The following CDC25C variants were observed in gnomAD, a reference collection of about 807,000 sequenced individuals.
The protein encoded by CDC25C is cell division cycle 25C.
In CDC25C, 48 loss-of-function variants were observed where a neutral mutation model predicts 52.5. The observed-to-expected ratio is 0.91, with a 90% CI of 0.72 to 1.16. CDC25C has a LOEUF of 1.16. Among genes scored for constraint, CDC25C ranks in the 50% most tolerant of loss-of-function variants. The pLI is 0.00. For missense variants in CDC25C, 510 were observed against 566.1 expected (o/e 0.90, Z 1.01); for synonymous variants, 187 against 206.5 (o/e 0.91, Z 0.81).
intron 7 of CDC25C, among the ~76,000 whole-genome samples, chr5:138,314,300 CT>C (rs570387449): frequency 2.2e-3 from 308 of 137,980 alleles, no homozygotes; most frequent in African/African-American, 2.6e-3. Context: ...TTCATAGCAC[CT>C]TTTTTTTTTT....
intron 4 of CDC25C, among the ~76,000 whole-genome samples, chr5:138,327,973 TCTC>T (rs894188773): frequency 2.6e-5 from 4 of 152,054 alleles, no homozygotes; most frequent in African/African-American, 9.7e-5. Flanking sequence ...CTCAAGTAAT[TCTC>T]CTACCTCAAC....
chr5:138,318,117 T>A (rs1298770816), intron 7 of CDC25C, among the ~76,000 whole-genome samples: 1 of 151,974 alleles, frequency 6.6e-6, no homozygotes, highest in Non-Finnish European at 1.5e-5. Context: ...TCACTTGAGG[T>A]CAGGAGTTCG....
intron 7 of CDC25C, among the ~76,000 whole-genome samples, chr5:138,301,259 G>A (rs1372750653): frequency 6.6e-6 from 1 of 152,162 alleles, no homozygotes. Context: ...TATCAGGAAT[G>A]AGAGACATCA....
intron 7 of CDC25C, among the ~76,000 whole-genome samples, chr5:138,309,216 C>G (rs982816864): frequency 7.2e-6 from 1 of 138,382 alleles, no homozygotes; most frequent in Non-Finnish European, 1.6e-5. Flanking sequence ...TCTCAACAAA[C>G]TGGTATTAAA....
intron 7 of CDC25C, among the ~76,000 whole-genome samples, chr5:138,309,236 A>C (rs1330431799): frequency 3.3e-5 from 5 of 151,964 alleles, no homozygotes; most frequent in Admixed American, 2.0e-4. Flanking sequence ...AAAAAAAAAA[A>C]AAACATAAAA....
chr5:138,326,435 G>T (rs1332923032), intron 4 of CDC25C, among the ~76,000 whole-genome samples: 1 of 151,646 alleles, frequency 6.6e-6, no homozygotes, highest in Non-Finnish European at 1.5e-5. Flanking sequence ...TCTGCCTCCC[G>T]GTTTCACGCC....
At chr5:138,326,728 C>T (rs1407673174) in intron 4 of CDC25C, among the ~76,000 whole-genome samples, 6 of 151,934 alleles carry the variant, frequency 3.9e-5, no homozygotes, top group East Asian at 1.9e-4. Flanking sequence ...TCGAGGCAGG[C>T]GGATCACCTG....
chr5:138,310,750 A>G (rs541786694), intron 7 of CDC25C, among the ~76,000 whole-genome samples: 1 of 152,212 alleles, frequency 6.6e-6, no homozygotes, highest in Non-Finnish European at 1.5e-5. Context: ...CCCAGAGGCT[A>G]CTTCTCAGAC....
At chr5:138,323,480 T>TG (rs1759600069) in intron 6 of CDC25C, among the ~76,000 whole-genome samples, 1 of 151,526 alleles carries the variant, frequency 6.6e-6, no homozygotes, top group Non-Finnish European at 1.5e-5. Context: ...TTTTTTTGGT[T>TG]GGGGGGTGGG....
intron 7 of CDC25C, among the ~76,000 whole-genome samples, chr5:138,317,427 C>T (rs1241934984): frequency 6.6e-6 from 1 of 152,048 alleles, no homozygotes; most frequent in Non-Finnish European, 1.5e-5. Context: ...TGCCTGTAAT[C>T]CCAGCACTTT....
At chr5:138,291,761 T>G (rs1756736454) in intron 8 of CDC25C, among the ~76,000 whole-genome samples, 1 of 148,528 alleles carries the variant, frequency 6.7e-6, no homozygotes, top group Non-Finnish European at 1.5e-5. Flanking sequence ...ATACTTTATG[T>G]ATCTATGTTA....
intron 7 of CDC25C, among the ~76,000 whole-genome samples, chr5:138,304,381 G>C (rs1448006562): frequency 1.4e-5 from 2 of 140,094 alleles, no homozygotes; most frequent in African/African-American, 5.4e-5. Flanking sequence ...GAGGCAGGCA[G>C]ACAAAATATA....
intron 4 of CDC25C, among the ~76,000 whole-genome samples, chr5:138,326,679 C>T (rs1352729392): frequency 1.3e-5 from 2 of 152,082 alleles, no homozygotes; most frequent in South Asian, 2.1e-4. Flanking sequence ...TCTGGCGGGG[C>T]GCTGTGGCCC....
intron 7 of CDC25C, among the ~76,000 whole-genome samples, chr5:138,303,364 CAT>C (rs1397612297): frequency 6.6e-6 from 1 of 152,130 alleles, no homozygotes; most frequent in African/African-American, 2.4e-5. Flanking sequence ...CAGTAGTACA[CAT>C]GAGGAGATGC....
chr5:138,313,780 C>A (rs916511244), intron 7 of CDC25C, among the ~76,000 whole-genome samples: 4 of 152,110 alleles, frequency 2.6e-5, no homozygotes, highest in Non-Finnish European at 5.9e-5. Context: ...ATAGCTTCAA[C>A]TCCTCATTTA....
At chr5:138,298,992 A>T (rs1011229467) in intron 7 of CDC25C, among the ~76,000 whole-genome samples, 3 of 151,106 alleles carry the variant, frequency 2.0e-5, no homozygotes, top group Non-Finnish European at 4.4e-5. Flanking sequence ...TAGGAGTTCC[A>T]GACCAGCCTG....
upstream of CDC25C, among the ~76,000 whole-genome samples, chr5:138,333,093 G>A (rs1389421036): frequency 6.6e-6 from 1 of 152,086 alleles, no homozygotes; most frequent in African/African-American, 2.4e-5. Flanking sequence ...CCCAGCTGAT[G>A]GTGAGGTAGC....
intron 4 of CDC25C, among the ~76,000 whole-genome samples, chr5:138,327,621 A>G (rs1012869463): frequency 2.0e-5 from 3 of 152,202 alleles, no homozygotes; most frequent in Admixed American, 6.5e-5. Context: ...TTGGCAACAG[A>G]GCCAGACTCC....
chr5:138,336,025 T>G (rs1339491845), upstream of CDC25C, among the ~76,000 whole-genome samples: 3 of 151,998 alleles, frequency 2.0e-5, no homozygotes, highest in Non-Finnish European at 2.9e-5. Context: ...AAAGAGAAGG[T>G]TTTGTTTCAT....
Sources: gnomAD v4.1 joint callset for allele counts (sites outside exome capture counted in the v4.1 genomes callset) on GRCh38, gnomAD v4.1.1 for gene constraint, MANE v1.5 for transcripts, NCBI Gene and HGNC (gene_info 2026-07-23, HGNC 2026-07-21) for gene names.